FGR: variants seen among roughly 807,000 people sequenced by gnomAD.
The protein encoded by FGR is FGR proto-oncogene, Src family tyrosine kinase.
A neutral mutation model predicts 63.2 loss-of-function variants in FGR; 26 were observed. That is an observed-to-expected ratio of 0.41 (90% CI 0.30 to 0.57). The LOEUF (loss-of-function observed/expected upper bound fraction) is 0.57. FGR is among the 20% of genes least tolerant of loss of function. The pLI, the probability that FGR is intolerant of heterozygous loss-of-function variation, is 0.27. For synonymous variants in FGR, 286 were observed against 277.7 expected, an observed-to-expected ratio of 1.03 and a Z score of -0.30; for missense variants, 511 against 690.8, an observed-to-expected ratio of 0.74 and a Z score of 2.92.
In FGR at chr1:27,614,331, G is replaced by A. The variant is rs1427238919; in HGVS notation, c.1249+99C>T. Reference sequence around the variant, plus strand: ...ATACTACATCAGGATGGGGCGACTCGGGCGACCTGGAGTGAGGAAGGGTTC... The same window carrying A: ...ATACTACATCAGGATGGGGCGACTCAGGCGACCTGGAGTGAGGAAGGGTTC... On this transcript the variant is annotated intron_variant, in intron 11 of 12. Transcript: ENST00000374005. 1.2e-5 allele frequency: 16 copies of A among 1,366,988 alleles called. No individual in the cohort carries two copies. The East Asian group carries it at 2.7e-4, about 23-fold the overall frequency. The allele number at this position is 1,366,988 out of a possible 1,614,324, so 84.7% of individuals were successfully genotyped here.
intron 1 of FGR, among the ~76,000 whole-genome samples, chr1:27,633,346 C>T (rs1464895013): frequency 6.6e-6 from 1 of 152,208 alleles, no homozygotes. Flanking sequence ...ATCATCACCA[C>T]AGTCGGAAGG....
At chr1:27,621,484 G>T in intron 5 of FGR, 75 bp downstream of exon 5, 1 of 1,023,328 alleles carries the variant, frequency 9.8e-7, no homozygotes, top group Non-Finnish European at 1.6e-6. Flanking sequence ...GCAATGACTT[G>T]TCCAAGAGGT....
At chr1:27,629,815 A>G (rs1261890224) in intron 1 of FGR, among the ~76,000 whole-genome samples, 6 of 152,234 alleles carry the variant, frequency 3.9e-5, no homozygotes, top group Non-Finnish European at 7.3e-5. Context: ...GAAGAAACTG[A>G]GGCACAGAGA....
intron 1 of FGR, among the ~76,000 whole-genome samples, chr1:27,631,793 G>C (rs1180703342): frequency 6.6e-6 from 1 of 152,100 alleles, no homozygotes; most frequent in Non-Finnish European, 1.5e-5. Context: ...GGCTGAGCTG[G>C]CCCAGCCGCC....
In FGR at chr1:27,629,393, A is replaced by G. The variant is rs79658838; in HGVS notation, c.-76-4242T>C. Among the ~76,000 whole-genome samples, 3 of 152,288 alleles carry G rather than the reference A, an allele frequency of 2.0e-5. No individual in the cohort carries two copies. The East Asian group carries it at 5.8e-4, about 29-fold the overall frequency. On this transcript the variant is annotated intron_variant, in intron 1 of 12. Coordinates refer to ENST00000374005, the MANE Select transcript of FGR (RefSeq NM_005248.3). The stretch of plus-strand genomic sequence containing the variant: ...GTAGCTGGCTCCAGCACACACTGCC[A>G]GAAAGAAACAGAGACAAAGAGACAG...
chr1:27,628,242 A>G (rs2090053763), intron 1 of FGR, among the ~76,000 whole-genome samples: 1 of 151,710 alleles, frequency 6.6e-6, no homozygotes, highest in African/African-American at 2.4e-5. Flanking sequence ...ACGTGCCTCG[A>G]GAGGCTGAGG....
chr1:27,624,810 ATC>A (rs549586449), intron 2 of FGR, among the ~76,000 whole-genome samples: 19 of 151,384 alleles, frequency 1.3e-4, no homozygotes, highest in Non-Finnish European at 2.4e-4. Flanking sequence ...GGATGTGTGT[ATC>A]TCTGCATGTA....
In FGR at chr1:27,613,034, G is replaced by T; in HGVS notation, c.1470C>A (p.Ala490=). ...GGTCCAGACGCCAGGTCTGTTCCAT[G>T]GCCTCGTACAGGGATGCTGGGCAGC... ...PPGCPASLYE[A]MEQTWRLDPE... is the part of the protein sequence containing the mutation. The change falls in exon 13 of 13, where the codon GCC becomes GCA. Residue 490 remains alanine, a synonymous_variant. Transcript: ENST00000374005. The T allele has an allele frequency of 6.2e-7, 1 of 1,614,202 alleles. No individual in the cohort carries two copies. Among genetic ancestry groups the T allele is most frequent in the Non-Finnish European group, 8.5e-7 (1 of 1,180,020 alleles).
At chr1:27,630,308 C>T (rs2090087888) in intron 1 of FGR, among the ~76,000 whole-genome samples, 1 of 152,192 alleles carries the variant, frequency 6.6e-6, no homozygotes, top group Non-Finnish European at 1.5e-5. Context: ...CCGCCTCGGC[C>T]TCCCAAAGTG....
intron 1 of FGR, among the ~76,000 whole-genome samples, chr1:27,634,288 G>C (rs1337587668): frequency 1.3e-5 from 2 of 152,170 alleles, no homozygotes; most frequent in Non-Finnish European, 2.9e-5. Flanking sequence ...GGGGAGCGCG[G>C]GCCGAGACCG....
intron 3 of FGR, 136 bp downstream of exon 3, chr1:27,623,554 GC>G: frequency 1.1e-6 from 1 of 872,364 alleles, no homozygotes; most frequent in Non-Finnish European, 1.9e-6. Flanking sequence ...GACTCCCTCA[GC>G]CCATGTGATC....
Position 27,613,369 on chromosome 1 carries a change from C to T in FGR, c.1250-19G>A. 1 of 1,612,180 alleles carries T rather than the reference C, an allele frequency of 6.2e-7. No homozygotes were observed. The highest frequency in any genetic ancestry group is 8.5e-7 in the Non-Finnish European group (1 of 1,178,934). Reference sequence around the variant, plus strand: ...TTGGAACCTGGAGAAGATGGGGGAGCAGGGAAAGTTAGTGAGGGGGTCCCT... The same window carrying T: ...TTGGAACCTGGAGAAGATGGGGGAGTAGGGAAAGTTAGTGAGGGGGTCCCT... On this transcript the variant is annotated intron_variant, in intron 11 of 12. Coordinates refer to ENST00000374005, the MANE Select transcript of FGR (RefSeq NM_005248.3).
intron 2 of FGR, among the ~76,000 whole-genome samples, chr1:27,624,676 C>G (rs1439812859): frequency 6.6e-6 from 1 of 151,376 alleles, no homozygotes; most frequent in Admixed American, 6.6e-5. Flanking sequence ...TCTGTAAGAC[C>G]GTGTTTGTGT....
At position 27,614,586 on chromosome 1, in the gene FGR, G is replaced by A. The variant is rs1463322096; in HGVS notation, c.1096-3C>T. On this transcript the variant is annotated splice_region_variant and splice_polypyrimidine_tract_variant and intron_variant, in intron 10 of 12. Transcript: ENST00000374005. ...ATGTAGGCCATGCCCTCAGCTACCTGGGGGACCATAGTGTGGAGAGATGGG... is the reference window on the plus strand; with the variant it reads ...ATGTAGGCCATGCCCTCAGCTACCTAGGGGACCATAGTGTGGAGAGATGGG... 8.7e-6 allele frequency: 14 copies of A among 1,613,688 alleles called. No individual in the cohort carries two copies. The highest frequency in any genetic ancestry group is 1.1e-5 in the Non-Finnish European group (13 of 1,179,744).
At position 27,615,538 on chromosome 1, in the gene FGR, T is replaced by G. The variant is rs1388939695; in HGVS notation, c.914A>C (p.Glu305Ala). Residue 305 changes from glutamate to alanine, a missense_variant, in exon 9 of 13, where the codon GAG becomes GCG. Coordinates refer to ENST00000374005, the MANE Select transcript of FGR (RefSeq NM_005248.3). The surrounding 1 kb of genome is among the most constrained non-coding windows in gnomAD (Gnocchi z 7.6). ...CAGCAGCTTCATGACCTGCGCCTCC[T>G]CCAGGAAGGCCTTCGGGGACATGGT... ...PGTMSPKAFL[E>A]EAQVMKLLRH... 3.1e-6 allele frequency: 5 copies of G among 1,613,756 alleles called. No individual in the cohort carries two copies. The highest frequency in any genetic ancestry group is 4.2e-6 in the Non-Finnish European group (5 of 1,179,846).
chr1:27,624,037 T>A, intron 2 of FGR, 108 bp from the exon 3 acceptor site: 1 of 943,516 alleles, frequency 1.1e-6, no homozygotes, highest in Admixed American at 2.8e-5. Flanking sequence ...TGGCTTTCCC[T>A]CTTGGGCCTA....
chr1:27,623,208 C>A, intron 3 of FGR, 64 bp from the exon 4 acceptor site: 1 of 1,246,916 alleles, frequency 8.0e-7, no homozygotes, highest in South Asian at 1.2e-5. Context: ...GGGCTGCACC[C>A]CAAATTCCTG....
At position 27,612,810 on chromosome 1, in the gene FGR, G is replaced by T; in HGVS notation, c.*104C>A. The T allele has an allele frequency of 9.2e-7, 1 of 1,087,108 alleles. No individual in the cohort carries two copies. Among genetic ancestry groups the T allele is most frequent in the Non-Finnish European group, 1.3e-6 (1 of 750,066 alleles). 67.3% of individuals were successfully genotyped at this position (1,087,108 alleles called of 1,614,324 possible). A position where few individuals can be genotyped will look rare whatever the true frequency, so the allele number is the denominator to read the frequency against. The stretch of plus-strand genomic sequence containing the variant: ...AGCAGCCACGTCCTCGGTGATGCTA[G>T]GACTCTATGGGGTTCTAAGCCAGCC... On this transcript the variant is annotated 3_prime_UTR_variant, in exon 13 of 13. Coordinates refer to ENST00000374005, the MANE Select transcript of FGR (RefSeq NM_005248.3).
chr1:27,633,295 A>G (rs1472558644), intron 1 of FGR, among the ~76,000 whole-genome samples: 1 of 152,106 alleles, frequency 6.6e-6, no homozygotes. Flanking sequence ...CCAAACCTCC[A>G]TCTTCCCATC....
Sources: gnomAD v4.1 joint callset for allele counts (sites outside exome capture counted in the v4.1 genomes callset) on GRCh38, gnomAD v4.1.1 for gene constraint, Gnocchi (gnomAD v3.1) non-coding constraint, MANE v1.5 for transcripts, NCBI Gene and HGNC (gene_info 2026-07-23, HGNC 2026-07-21) for gene names.